Variants in PKD1L1 observed in about 807,000 individuals in gnomAD.
PKD1L1 encodes polycystin-1-like protein 1.
Under a neutral mutation model 323.4 loss-of-function variants are expected in PKD1L1, and 236 were observed. The ratio of observed to expected loss-of-function variants is 0.73; its 90% CI spans 0.66 to 0.81. The LOEUF (loss-of-function observed/expected upper bound fraction) is 0.81. Ranked by LOEUF, PKD1L1 falls within the 40% of genes least tolerant of loss-of-function variation. The pLI, the probability that PKD1L1 is intolerant of heterozygous loss-of-function variation, is 0.00. For missense variants in PKD1L1, 3,320 were observed against 3,508.0 expected, an observed-to-expected ratio of 0.95 and a Z score of 1.35; for synonymous variants, 1,344 against 1,335.0, an observed-to-expected ratio of 1.01 and a Z score of -0.15.
chr7:47,936,143 G>T (rs1193336733), intron 4 of PKD1L1, among the ~76,000 whole-genome samples: 2 of 152,060 alleles, frequency 1.3e-5, no homozygotes, highest in Non-Finnish European at 2.9e-5. Flanking sequence ...TGTATTGCCT[G>T]GTGCTATTGT....
In PKD1L1 at chr7:47,890,568, C is replaced by T. The variant is rs144318458; in HGVS notation, c.2649G>A (p.Leu883=). The T allele has an allele frequency of 1.2e-5, 19 of 1,613,980 alleles. No homozygotes were observed. The African/African-American group carries it at 2.3e-4, about 19-fold the overall frequency. The change falls in exon 16 of 57, where the codon CTG becomes CTA. Residue 883 remains leucine, a synonymous_variant. Coordinates refer to ENST00000289672, the MANE Select transcript of PKD1L1 (RefSeq NM_138295.5). ...GRNSSETRVF[L]SPYPDSAFRF... Reference sequence around the variant, plus strand: ...TGAACGCCGAGTCAGGGTAGGGGGACAGGAACACCCGGGTCTCAGAAGAGT... The same window carrying T: ...TGAACGCCGAGTCAGGGTAGGGGGATAGGAACACCCGGGTCTCAGAAGAGT...
intron 16 of PKD1L1, 128 bp from the exon 17 acceptor site, chr7:47,888,278 G>T: frequency 1.1e-6 from 1 of 917,068 alleles, no homozygotes; most frequent in Non-Finnish European, 1.6e-6. Flanking sequence ...CAATAGCAAT[G>T]TCACAGCACA....
At chr7:47,917,840 C>T (rs1297634460) in intron 7 of PKD1L1, among the ~76,000 whole-genome samples, 1 of 152,068 alleles carries the variant, frequency 6.6e-6, no homozygotes, top group East Asian at 1.9e-4. Flanking sequence ...GAAACAAATC[C>T]TGGAAACACA....
intron 4 of PKD1L1, among the ~76,000 whole-genome samples, chr7:47,934,747 G>A (rs1442521378): frequency 6.6e-6 from 1 of 152,136 alleles, no homozygotes; most frequent in Non-Finnish European, 1.5e-5. Context: ...TCAGAACAGG[G>A]ACTGGCTTGG....
At chr7:47,795,864 C>T in intron 55 of PKD1L1, 125 bp downstream of exon 55, 1 of 1,190,248 alleles carries the variant, frequency 8.4e-7, no homozygotes, top group Non-Finnish European at 1.2e-6. Context: ...AATTTTGTGG[C>T]TTTGCAAGGA....
intron 55 of PKD1L1, 30 bp downstream of exon 55, chr7:47,795,959 T>G (rs527752517): frequency 1.9e-6 from 3 of 1,600,178 alleles, no homozygotes. Context: ...TGTGCTATCA[T>G]GCTCAGTAAT....
chr7:47,780,580 C>T (rs1178468913), intron 56 of PKD1L1, among the ~76,000 whole-genome samples: 2 of 151,480 alleles, frequency 1.3e-5, no homozygotes, highest in Non-Finnish European at 2.9e-5. Context: ...TGTAGTGAGC[C>T]GAGATTGTAC....
Position 47,879,632 on chromosome 7 carries a change from C to CAAA in PKD1L1, c.3520+1093_3520+1095dup, listed in dbSNP as rs1254218793. On this transcript the variant is annotated intron_variant, in intron 21 of 56. Coordinates refer to ENST00000289672, the MANE Select transcript of PKD1L1 (RefSeq NM_138295.5). ...TGGGCAACAGAGCAAGACTTTGTCTCAAAAAAAAAAAAAAAAAAAGGCCAG... is the reference window on the plus strand; with the variant it reads ...TGGGCAACAGAGCAAGACTTTGTCTCAAAAAAAAAAAAAAAAAAAAAAGGCCAG... Among the ~76,000 whole-genome samples the CAAA allele has an allele frequency of 2.6e-4, 15 of 58,726 alleles. 1 individual carries two copies. The highest frequency in any genetic ancestry group is 4.0e-4 in the Admixed American group (2 of 5,006). 38.5% of individuals were successfully genotyped at this position (58,726 alleles called of 152,430 possible).
At chr7:47,927,423 G>A (rs938585436) in intron 7 of PKD1L1, among the ~76,000 whole-genome samples, 4 of 151,922 alleles carry the variant, frequency 2.6e-5, no homozygotes, top group East Asian at 1.9e-4. Flanking sequence ...GCGCCACCAC[G>A]CCCAGCTAAT....
chr7:47,927,219 A>C (rs1787671638), intron 7 of PKD1L1, among the ~76,000 whole-genome samples: 1 of 152,156 alleles, frequency 6.6e-6, no homozygotes, highest in Non-Finnish European at 1.5e-5. Flanking sequence ...AAAAGAAAAA[A>C]AAACTATAAG....
At chr7:47,910,632 C>T (rs1384129354) in intron 8 of PKD1L1, among the ~76,000 whole-genome samples, 1 of 151,036 alleles carries the variant, frequency 6.6e-6, no homozygotes, top group Non-Finnish European at 1.5e-5. Flanking sequence ...GCCAACGCGC[C>T]CGGCCAGGCA....
intron 51 of PKD1L1, 139 bp from the exon 52 acceptor site, chr7:47,808,526 G>T: frequency 9.7e-7 from 1 of 1,034,172 alleles, no homozygotes; most frequent in Non-Finnish European, 1.4e-6. Flanking sequence ...ATCGCTGGGT[G>T]ATTTTGTCCT....
In PKD1L1 at chr7:47,929,208, T is replaced by C; in HGVS notation, c.1056A>G (p.Ser352=). Reference sequence around the variant, plus strand: ...TAAGGACACCATGCACCTTACCTTTTGAGTACTGGTGGTAGGCAGTCACCG... The same window carrying C: ...TAAGGACACCATGCACCTTACCTTTCGAGTACTGGTGGTAGGCAGTCACCG... ...AMAVTAYHQY[S]KGIFFHLLHF... The change falls in exon 7 of 57, where the codon TCA becomes TCG. Residue 352 remains serine, a synonymous_variant. Coordinates refer to ENST00000289672, the MANE Select transcript of PKD1L1 (RefSeq NM_138295.5). The C allele has an allele frequency of 6.2e-7, 1 of 1,613,574 alleles. No homozygotes were observed. The highest frequency in any genetic ancestry group is 8.5e-7 in the Non-Finnish European group (1 of 1,179,580).
chr7:47,860,856 C>T (rs1048212708), intron 26 of PKD1L1, among the ~76,000 whole-genome samples: 19 of 152,156 alleles, frequency 1.2e-4, no homozygotes, highest in African/African-American at 4.6e-4. Flanking sequence ...CAGATTCATG[C>T]TCTGGAGCCT....
chr7:47,904,272 G>T lies in PKD1L1; in HGVS notation c.1931+106C>A, dbSNP rs6956732. The T allele has an allele frequency of 2.5e-5, 37 of 1,473,142 alleles. 1 individual carries two copies. The South Asian group carries it at 4.4e-4, about 18-fold the overall frequency. The allele number at this position is 1,473,142 out of a possible 1,614,324, so 91.3% of individuals were successfully genotyped here. ...CTCTGTGTAATCATCTGTCACCTAC[G>T]TTGACTGACAGGCAGGTCTCTATGT... On this transcript the variant is annotated intron_variant, in intron 12 of 56. Coordinates refer to ENST00000289672, the MANE Select transcript of PKD1L1 (RefSeq NM_138295.5).
At chr7:47,876,517 C>A (rs1218570964) in intron 22 of PKD1L1, among the ~76,000 whole-genome samples, 1 of 152,146 alleles carries the variant, frequency 6.6e-6, no homozygotes, top group African/African-American at 2.4e-5. Flanking sequence ...ACAGCCCCCT[C>A]AGGGTGAAGG....
intron 2 of PKD1L1, 144 bp downstream of exon 2, chr7:47,943,252 A>G (rs1256300540): frequency 1.1e-5 from 6 of 529,748 alleles, no homozygotes; most frequent in African/African-American, 1.9e-5. Flanking sequence ...CTTGCAAAAC[A>G]GCAGGTTTAA....
At chr7:47,960,575 A>G in the PKD1L1 span, among the ~76,000 whole-genome samples, 3 of 151,668 alleles carry the variant, frequency 2.0e-5, no homozygotes, top group Non-Finnish European at 4.4e-5. Flanking sequence ...AGGTTTACCT[A>G]TGGTGCTTTG....
rs534206797 is a variant in PKD1L1, at chr7:47,814,078, C to T, written c.7090-64G>A. Reference sequence around the variant, plus strand: ...GTGGACTTCAAACCTCCTCATCAAGCGTGCTCAAAAGGCGTGGGGCTCTGG... The same window carrying T: ...GTGGACTTCAAACCTCCTCATCAAGTGTGCTCAAAAGGCGTGGGGCTCTGG... On this transcript the variant is annotated intron_variant, in intron 47 of 56. Coordinates refer to ENST00000289672, the MANE Select transcript of PKD1L1 (RefSeq NM_138295.5). 253 of 1,425,172 alleles carry T rather than the reference C, an allele frequency of 1.8e-4. 1 individual carries two copies. In the African/African-American group the frequency reaches 2.9e-3, roughly 16 times the overall value. 88.3% of individuals were successfully genotyped at this position (1,425,172 alleles called of 1,614,324 possible).
Sources: allele counts gnomAD v4.1 joint callset (sites outside exome capture counted in the v4.1 genomes callset), GRCh38; gene constraint gnomAD v4.1.1; transcripts MANE v1.5; gene names NCBI Gene and HGNC (gene_info 2026-07-23, HGNC 2026-07-21).